The following CTNNBL1 variants were observed in gnomAD, a reference collection of about 807,000 sequenced individuals.
The protein encoded by CTNNBL1 is catenin beta like 1.
CTNNBL1 carries 31 observed loss-of-function variants against 72.7 expected under a neutral mutation model. That is an observed-to-expected ratio of 0.43 (90% CI 0.32 to 0.58). The LOEUF is 0.58. Among genes scored for constraint, CTNNBL1 ranks in the 20% least tolerant of loss-of-function variants. The probability of loss-of-function intolerance (pLI) is 0.08; values close to 1 mark genes in which losing one functional copy is unlikely to be tolerated. For synonymous variants in CTNNBL1, 240 were observed against 267.3 expected, an observed-to-expected ratio of 0.90 and a Z score of 1.00; for missense variants, 534 against 725.1, an observed-to-expected ratio of 0.74 and a Z score of 3.03.
At chr20:37,814,297 A>C (rs1305054143) in intron 11 of CTNNBL1, among the ~76,000 whole-genome samples, 1 of 152,202 alleles carries the variant, frequency 6.6e-6, no homozygotes, top group Non-Finnish European at 1.5e-5. Flanking sequence ...TTAAGGTGTC[A>C]GTAGTCCTGG....
intron 13 of CTNNBL1, among the ~76,000 whole-genome samples, chr20:37,851,013 C>A (rs985636187): frequency 2.0e-5 from 3 of 152,140 alleles, no homozygotes; most frequent in Non-Finnish European, 2.9e-5. Flanking sequence ...GAGGCATGTG[C>A]AAAGATGGTG....
At chr20:37,820,183 A>G (rs1307746744) in intron 11 of CTNNBL1, among the ~76,000 whole-genome samples, 1 of 151,988 alleles carries the variant, frequency 6.6e-6, no homozygotes, top group Non-Finnish European at 1.5e-5. Context: ...TGCCCTTTTA[A>G]GATCTTTTGT....
intron 10 of CTNNBL1, among the ~76,000 whole-genome samples, chr20:37,785,675 C>G (rs1008528949): frequency 1.3e-5 from 2 of 152,214 alleles, no homozygotes; most frequent in African/African-American, 4.8e-5. Flanking sequence ...AAAGCTTCCT[C>G]AAAACGCTAT....
chr20:37,751,361 A>T (rs1033068279), intron 4 of CTNNBL1: 1 of 152,114 alleles, frequency 6.6e-6, no homozygotes, highest in African/African-American at 2.4e-5. Context: ...GCAGGGAAAA[A>T]TTTTTAAGTG....
At chr20:37,799,893 G>A (rs2073809572) in intron 10 of CTNNBL1, among the ~76,000 whole-genome samples, 1 of 152,158 alleles carries the variant, frequency 6.6e-6, no homozygotes, top group African/African-American at 2.4e-5. Context: ...AGAAGTCTGG[G>A]ATGTGTTACT....
chr20:37,710,165 T>G (rs907496837), intron 1 of CTNNBL1, among the ~76,000 whole-genome samples: 1 of 152,266 alleles, frequency 6.6e-6, no homozygotes, highest in Non-Finnish European at 1.5e-5. Flanking sequence ...AGGAGCATCA[T>G]TATGAATACA....
intron 1 of CTNNBL1, among the ~76,000 whole-genome samples, chr20:37,732,183 A>G (rs1026934213): frequency 6.6e-6 from 1 of 152,048 alleles, no homozygotes; most frequent in South Asian, 2.1e-4. Flanking sequence ...TTTTTTTCAT[A>G]TATCTTCTGG....
chr20:37,700,815 C>T (rs7265129), intron 1 of CTNNBL1, among the ~76,000 whole-genome samples: 4,487 of 152,192 alleles, frequency 0.029, 205 homozygotes, highest in African/African-American at 0.1. Context: ...GAGATGTATT[C>T]TTTTTGAGGC....
chr20:37,718,620 CG>C (rs1568749720), intron 1 of CTNNBL1, among the ~76,000 whole-genome samples: 1 of 148,666 alleles, frequency 6.7e-6, no homozygotes, highest in African/African-American at 2.5e-5. Context: ...CCGGACGGGG[CG>C]GCTGGCCAGG....
chr20:37,718,969 A>G (rs1322506908), intron 1 of CTNNBL1, among the ~76,000 whole-genome samples: 1 of 152,228 alleles, frequency 6.6e-6, no homozygotes, highest in Non-Finnish European at 1.5e-5. Flanking sequence ...TTCGGGCTCA[A>G]GTATTGTCAC....
At chr20:37,747,267 C>T (rs930348813) in intron 4 of CTNNBL1, among the ~76,000 whole-genome samples, 6 of 149,830 alleles carry the variant, frequency 4.0e-5, no homozygotes, top group Non-Finnish European at 5.9e-5. Context: ...TCCAGCTACT[C>T]GGGAGGCTGA....
chr20:37,815,858 A>G (rs985852823), intron 11 of CTNNBL1, among the ~76,000 whole-genome samples: 15 of 152,206 alleles, frequency 9.9e-5, no homozygotes, highest in African/African-American at 3.6e-4. Flanking sequence ...ACTTGTATAC[A>G]TTTCACTGCT....
At chr20:37,745,377 T>C (rs1268358571) in intron 3 of CTNNBL1, among the ~76,000 whole-genome samples, 2 of 152,330 alleles carry the variant, frequency 1.3e-5, no homozygotes, top group Non-Finnish European at 2.9e-5. Flanking sequence ...GAGACAAAGA[T>C]ACATTTCCTG....
At chr20:37,716,833 A>G (rs529241901) in intron 1 of CTNNBL1, among the ~76,000 whole-genome samples, 1 of 152,372 alleles carries the variant, frequency 6.6e-6, no homozygotes, top group East Asian at 1.9e-4. Flanking sequence ...CTCAAGGGAA[A>G]GTTCCACGTG....
intron 6 of CTNNBL1, among the ~76,000 whole-genome samples, chr20:37,766,297 T>C (rs770325549): frequency 6.6e-6 from 1 of 152,196 alleles, no homozygotes; most frequent in Non-Finnish European, 1.5e-5. Context: ...TAATAAAAAG[T>C]ACCAGCCTGC....
At chr20:37,739,884 G>C (rs2073200379) in intron 3 of CTNNBL1, among the ~76,000 whole-genome samples, 1 of 152,132 alleles carries the variant, frequency 6.6e-6, no homozygotes, top group Non-Finnish European at 1.5e-5. Context: ...TGAACCTAAG[G>C]ATACATTATG....
chr20:37,763,856 G>A lies in CTNNBL1; in HGVS notation c.565-1341G>A, dbSNP rs918912753. On this transcript the variant is annotated intron_variant, in intron 5 of 15. Coordinates refer to ENST00000361383, the MANE Select transcript of CTNNBL1 (RefSeq NM_030877.5). The stretch of plus-strand genomic sequence containing the variant: ...TGTGAAAGATGTGAGAATTACATGA[G>A]GATAAATGGAGCAATTACAGTGCAC... Among the ~76,000 whole-genome samples, 3 of 152,262 alleles carry A rather than the reference G, an allele frequency of 2.0e-5. No homozygotes were observed. In the South Asian group the frequency reaches 6.2e-4, roughly 32 times the overall value.
At chr20:37,792,653 C>A (rs1394030231) in intron 10 of CTNNBL1, among the ~76,000 whole-genome samples, 5 of 128,060 alleles carry the variant, frequency 3.9e-5, no homozygotes, top group Non-Finnish European at 5.0e-5. Flanking sequence ...CAGTATAATG[C>A]AAATATTGCA....
chr20:37,783,425 T>C (rs2073643824), intron 10 of CTNNBL1, among the ~76,000 whole-genome samples: 1 of 152,150 alleles, frequency 6.6e-6, no homozygotes, highest in African/African-American at 2.4e-5. Context: ...TGGCTCTTAC[T>C]TTTCTAATTC....
Sources: allele counts gnomAD v4.1 joint callset (sites outside exome capture counted in the v4.1 genomes callset), GRCh38; gene constraint gnomAD v4.1.1; transcripts MANE v1.5; gene names NCBI Gene and HGNC (gene_info 2026-07-23, HGNC 2026-07-21).